Variants in IGBP1 observed in about 807,000 individuals in gnomAD.
The protein encoded by IGBP1 is immunoglobulin binding protein 1.
Under a neutral mutation model 25.9 loss-of-function variants are expected in IGBP1, and 2 were observed. The observed-to-expected ratio is 0.08, with a 90% confidence interval of 0.03 to 0.24. The LOEUF (loss-of-function observed/expected upper bound fraction) is 0.24, where lower values mean the gene tolerates loss of function less well. Ranked by LOEUF, IGBP1 falls within the 10% of genes least tolerant of loss-of-function variation. The probability of loss-of-function intolerance (pLI) is 1.00; values close to 1 mark genes in which losing one functional copy is unlikely to be tolerated. For missense variants in IGBP1, 187 were observed against 260.4 expected (o/e 0.72, Z 1.94); for synonymous variants, 96 against 93.4 (o/e 1.03, Z -0.16).
intron 3 of IGBP1, among the ~76,000 whole-genome samples, chrX:70,141,215 T>TA (rs1199103240): frequency 3.6e-5 from 4 of 109,962 alleles, no homozygotes; most frequent in South Asian, 7.9e-4. Flanking sequence ...GGCCTGGTGG[T>TA]AGGCACCTGT....
Position 70,148,826 on chromosome X carries a change from C to A in IGBP1, c.744C>A (p.Asn248Lys). Residue 248 changes from asparagine (N) to lysine (K), a missense_variant, in exon 5 of 7, where the codon AAC becomes AAA. Asn to Lys is a moderately conservative substitution (Grantham distance 94, BLOSUM62 0). Coordinates refer to ENST00000356413, the MANE Select transcript of IGBP1 (RefSeq NM_001551.3). ...PPVKPFILTR[N>K]MAQAKVFGAG... is the part of the protein sequence containing the mutation. ...TGAAACCCTTCATTCTCACTCGGAA[C>A]ATGGCTCAAGCCAAGTAGGTAGTAC... is the stretch of plus-strand genomic sequence containing the variant. 3 of 1,197,931 alleles carry A rather than the reference C, an allele frequency of 2.5e-6. No homozygotes were observed. The highest frequency in any genetic ancestry group is 3.4e-6 in the Non-Finnish European group (3 of 882,810).
At chrX:70,142,226 G>A (rs919252432) in intron 3 of IGBP1, among the ~76,000 whole-genome samples, 6 of 111,720 alleles carry the variant, frequency 5.4e-5, no homozygotes, top group African/African-American at 2.0e-4. Context: ...AGCCACTCAG[G>A]AGGCTGAGGT....
intron 6 of IGBP1, among the ~76,000 whole-genome samples, chrX:70,160,173 C>T (rs560536570): frequency 9.0e-6 from 1 of 111,402 alleles, no homozygotes; most frequent in South Asian, 3.8e-4. Context: ...AACTGCTGCC[C>T]GGCACCAGGC....
intron 3 of IGBP1, among the ~76,000 whole-genome samples, chrX:70,137,140 G>A (rs776104447): frequency 1.8e-5 from 2 of 111,946 alleles, no homozygotes; most frequent in East Asian, 5.6e-4. Context: ...TATTGCAATG[G>A]TAGAGGGATG....
chrX:70,151,251 G>A (rs967652460), intron 6 of IGBP1, among the ~76,000 whole-genome samples: 3 of 111,698 alleles, frequency 2.7e-5, no homozygotes, highest in South Asian at 3.7e-4. Flanking sequence ...GTGAACCACC[G>A]CGCCTGGCCC....
At position 70,158,441 on chromosome X, in the gene IGBP1, G is replaced by C. The variant is rs2085253308; in HGVS notation, c.872-7392G>C. On this transcript the variant is annotated intron_variant, in intron 6 of 6. Coordinates refer to ENST00000356413, the MANE Select transcript of IGBP1 (RefSeq NM_001551.3). ...AATTCACATGAAAACAGCAGAAAGG[G>C]AGCCCTTATGAAGTTAGAAAAGCTA... 3.6e-5 allele frequency among the ~76,000 whole-genome samples: 4 copies of C among 111,918 alleles called. No individual in the cohort carries two copies. The Admixed American group carries it at 3.8e-4, about 11-fold the overall frequency.
At chrX:70,145,559 A>G (rs2085160635) in intron 3 of IGBP1, among the ~76,000 whole-genome samples, 1 of 111,403 alleles carries the variant, frequency 9.0e-6, no homozygotes, top group Non-Finnish European at 1.9e-5. Context: ...TGGCTTTCCC[A>G]TTCAAAATAC....
intron 3 of IGBP1, among the ~76,000 whole-genome samples, chrX:70,142,524 A>G (rs1382222787): frequency 9.0e-6 from 1 of 111,016 alleles, no homozygotes; most frequent in Non-Finnish European, 1.9e-5. Context: ...GGAGTGGTAA[A>G]GACATTACCT....
intron 6 of IGBP1, among the ~76,000 whole-genome samples, chrX:70,150,836 AG>A (rs2085198197): frequency 8.9e-6 from 1 of 111,893 alleles, no homozygotes; most frequent in Non-Finnish European, 1.9e-5. Flanking sequence ...ATTGGATCAT[AG>A]TGGGTACTTG....
intron 6 of IGBP1, among the ~76,000 whole-genome samples, chrX:70,160,091 C>G (rs895015085): frequency 1.8e-5 from 2 of 111,041 alleles, no homozygotes; most frequent in African/African-American, 6.6e-5. Context: ...GGCTAAGGCA[C>G]CAGGGTCCCA....
At chrX:70,153,368 G>A (rs2085215288) in intron 6 of IGBP1, among the ~76,000 whole-genome samples, 1 of 112,239 alleles carries the variant, frequency 8.9e-6, no homozygotes, top group African/African-American at 3.2e-5. Flanking sequence ...CTCAAGTAGT[G>A]AAGAGCAGCA....
chrX:70,161,034 AAC>A (rs201337314), intron 6 of IGBP1, among the ~76,000 whole-genome samples: 2 of 111,215 alleles, frequency 1.8e-5, no homozygotes, highest in South Asian at 7.5e-4. Context: ...TTTAAAACTA[AAC>A]ACACACACAC....
At chrX:70,151,703 C>CA (rs2085204040) in intron 6 of IGBP1, among the ~76,000 whole-genome samples, 1 of 110,599 alleles carries the variant, frequency 9.0e-6, no homozygotes, top group Non-Finnish European at 1.9e-5. Context: ...TATGGCGAAA[C>CA]CCCGTCGCTA....
At chrX:70,141,457 A>C (rs897886260) in intron 3 of IGBP1, among the ~76,000 whole-genome samples, 1 of 111,918 alleles carries the variant, frequency 8.9e-6, no homozygotes, top group Admixed American at 9.5e-5. Flanking sequence ...TCCCTCCCAG[A>C]TACCATGGCA....
chrX:70,158,111 A>G (rs1456967159), intron 6 of IGBP1, among the ~76,000 whole-genome samples: 1 of 112,337 alleles, frequency 8.9e-6, no homozygotes, highest in Non-Finnish European at 1.9e-5. Context: ...ATTCCAAAAC[A>G]GTGTATTCCC....
rs202174045 is a variant in IGBP1 at position 70,156,287 on chromosome X, T to TAA, written c.871+5986_871+5987dup. On this transcript the variant is annotated intron_variant, in intron 6 of 6. Coordinates refer to ENST00000356413, the MANE Select transcript of IGBP1 (RefSeq NM_001551.3). The stretch of plus-strand genomic sequence containing the variant: ...GGGTTGCCACAAACCTTCAATTTGT[T>TAA]AAAAAAAAAAAAAAAAAAAAAAGTC... Among the ~76,000 whole-genome samples, 250 of 74,242 alleles carry TAA rather than the reference T, an allele frequency of 3.4e-3. 1 individual carries two copies. Among genetic ancestry groups the TAA allele is most frequent in the African/African-American group, 0.01 (228 of 21,752 alleles). 64.5% of individuals were successfully genotyped at this position (74,242 alleles called of 115,157 possible). A position where few individuals can be genotyped will look rare whatever the true frequency, so the allele number is the denominator to read the frequency against.
At chrX:70,134,210 A>T in intron 2 of IGBP1, 75 bp downstream of exon 2, 5 of 956,783 alleles carry the variant, frequency 5.2e-6, no homozygotes, top group Non-Finnish European at 7.5e-6. Flanking sequence ...ATTGCGCCTG[A>T]GTGGAGGGGA....
At chrX:70,134,926 C>T in intron 3 of IGBP1, 110 bp downstream of exon 3, 1 of 766,514 alleles carries the variant, frequency 1.3e-6, no homozygotes, top group Non-Finnish European at 2.0e-6. Context: ...TTTCTTGGTT[C>T]TTATTGAGCA....
Position 70,143,939 on chromosome X carries a change from G to A in IGBP1, c.483-2694G>A, listed in dbSNP as rs747277528. Among the ~76,000 whole-genome samples, 12 of 112,531 alleles carry A rather than the reference G, an allele frequency of 1.1e-4. 1 individual carries two copies. The South Asian group carries it at 2.6e-3, about 24-fold the overall frequency. On this transcript the variant is annotated intron_variant, in intron 3 of 6. Transcript: ENST00000356413. ...GGGCGCGGTGGCTCACGCCTGGAAC[G>A]CACTTTGAGAGGCTAAGGCAGGCAG...
Sources: gnomAD v4.1 joint callset for allele counts (sites outside exome capture counted in the v4.1 genomes callset) on GRCh38, gnomAD v4.1.1 for gene constraint, MANE v1.5 for transcripts, NCBI Gene and HGNC (gene_info 2026-07-23, HGNC 2026-07-21) for gene names.